FABP12: variants seen among roughly 807,000 people sequenced by gnomAD.
FABP12 encodes fatty acid binding protein 12.
A neutral mutation model predicts 13.7 loss-of-function variants in FABP12; 19 were observed. That is an observed-to-expected ratio of 1.39 (90% CI 0.97 to 2.04). The LOEUF (loss-of-function observed/expected upper bound fraction) is 2.04. Ranked by LOEUF, FABP12 falls within the 30% of genes most tolerant of loss-of-function variation. The pLI is 0.00. For synonymous variants in FABP12, 61 were observed against 57.0 expected (o/e 1.07, Z -0.32); for missense variants, 182 against 164.2 (o/e 1.11, Z -0.59).
At chr8:81,572,436 C>T (rs774166002) in intron 1 of FABP12, among the ~76,000 whole-genome samples, 1 of 152,054 alleles carries the variant, frequency 6.6e-6, no homozygotes, top group Non-Finnish European at 1.5e-5. Context: ...GAATCTTTTG[C>T]GAATAATGAC....
chr8:81,588,534 C>T (rs946242848), intron 1 of FABP12, among the ~76,000 whole-genome samples: 1 of 152,098 alleles, frequency 6.6e-6, no homozygotes, highest in Non-Finnish European at 1.5e-5. Context: ...TTATTAGTTA[C>T]AACAGTTTTT....
chr8:81,561,960 T>C (rs150574414), intron 1 of FABP12, among the ~76,000 whole-genome samples: 3 of 152,266 alleles, frequency 2.0e-5, no homozygotes, highest in Non-Finnish European at 4.4e-5. Flanking sequence ...TAAGCTACTA[T>C]CCAGGGTATC....
chr8:81,577,501 G>A (rs1032501965), intron 1 of FABP12, among the ~76,000 whole-genome samples: 1 of 152,154 alleles, frequency 6.6e-6, no homozygotes, highest in African/African-American at 2.4e-5. Flanking sequence ...GTTCACGTCT[G>A]TAATCCCAGC....
At chr8:81,528,331 G>A (rs191300702) in intron 3 of FABP12, among the ~76,000 whole-genome samples, 14 of 152,138 alleles carry the variant, frequency 9.2e-5, no homozygotes, top group Non-Finnish European at 8.8e-5. Context: ...CTCCTGTTTT[G>A]GCCTCCCAAA....
chr8:81,573,792 G>A (rs914737455), intron 1 of FABP12, among the ~76,000 whole-genome samples: 2 of 152,050 alleles, frequency 1.3e-5, no homozygotes, highest in African/African-American at 4.8e-5. Flanking sequence ...ACTGACTTGT[G>A]TACATTAATC....
At chr8:81,583,054 T>A (rs903738611) in intron 1 of FABP12, among the ~76,000 whole-genome samples, 2 of 152,158 alleles carry the variant, frequency 1.3e-5, no homozygotes, top group South Asian at 2.1e-4. Context: ...AAGAGAAACA[T>A]TGAAACTATA....
At chr8:81,525,530 AT>A (rs1180208979) in intron 4 of FABP12, among the ~76,000 whole-genome samples, 4 of 134,520 alleles carry the variant, frequency 3.0e-5, no homozygotes, top group East Asian at 2.0e-4. Flanking sequence ...AAAAAAAAAA[AT>A]AGATAGATAG....
At chr8:81,527,392 T>C (rs112010176) in intron 3 of FABP12, among the ~76,000 whole-genome samples, 16,345 of 152,144 alleles carry the variant, frequency 0.11, 1,661 homozygotes, top group African/African-American at 0.26. Flanking sequence ...GACAGAGTTT[T>C]GCTCTTGTCA....
At chr8:81,588,888 G>A (rs1488708118) in intron 1 of FABP12, among the ~76,000 whole-genome samples, 2 of 152,158 alleles carry the variant, frequency 1.3e-5, no homozygotes, top group African/African-American at 4.8e-5. Flanking sequence ...CCAGGTGGGG[G>A]CTGGCAGTGG....
intron 1 of FABP12, among the ~76,000 whole-genome samples, chr8:81,575,197 G>C (rs1225463133): frequency 6.6e-6 from 1 of 152,034 alleles, no homozygotes; most frequent in African/African-American, 2.4e-5. Context: ...TTCGATCTTG[G>C]TTTCGTTTTC....
At chr8:81,530,721 A>T (rs1332253228) in intron 2 of FABP12, among the ~76,000 whole-genome samples, 1 of 152,146 alleles carries the variant, frequency 6.6e-6, no homozygotes, top group Admixed American at 6.5e-5. Flanking sequence ...TGAGATGGGG[A>T]GAGTATCCTG....
At chr8:81,580,759 G>A (rs1196547308) in intron 1 of FABP12, among the ~76,000 whole-genome samples, 4 of 150,928 alleles carry the variant, frequency 2.7e-5, no homozygotes, top group Non-Finnish European at 4.4e-5. Flanking sequence ...TCTAGCTTAT[G>A]CCCACCCACC....
chr8:81,531,456 T>G (rs1450752599), intron 1 of FABP12, 66 bp from the exon 2 acceptor site: 4 of 593,694 alleles, frequency 6.7e-6, no homozygotes, highest in African/African-American at 1.9e-5. Flanking sequence ...AATAAGGAAC[T>G]CTAATCCTTG....
chr8:81,582,154 G>A (rs539724477), intron 1 of FABP12, among the ~76,000 whole-genome samples: 15 of 111,364 alleles, frequency 1.3e-4, no homozygotes, highest in African/African-American at 4.9e-4. Context: ...ATGGAGTCTC[G>A]CTCTGTCACC....
intron 1 of FABP12, among the ~76,000 whole-genome samples, chr8:81,563,054 C>T (rs1809751182): frequency 6.6e-6 from 1 of 152,234 alleles, no homozygotes; most frequent in Non-Finnish European, 1.5e-5. Flanking sequence ...GGCCACCCCT[C>T]CCGCAGCTCC....
chr8:81,539,433 CTTTTTTTTTTTTTTT>C (rs35386904), intron 2 of FABP12, among the ~76,000 whole-genome samples: 1 of 50,018 alleles, frequency 2.0e-5, no homozygotes, highest in African/African-American at 8.0e-5. Context: ...TTCTTTAGTT[CTTTTTTTTTTTTTTT>C]TTTTTTTTTT....
intron 3 of FABP12, among the ~76,000 whole-genome samples, chr8:81,529,149 G>A (rs1212368797): frequency 6.6e-6 from 1 of 152,088 alleles, no homozygotes; most frequent in East Asian, 1.9e-4. Context: ...GTTTCTGAGA[G>A]GACTAAACAG....
At chr8:81,546,137 A>G (rs555722013) in intron 1 of FABP12, among the ~76,000 whole-genome samples, 2 of 152,312 alleles carry the variant, frequency 1.3e-5, no homozygotes, top group African/African-American at 4.8e-5. Context: ...TGGAATGACA[A>G]TGGTTCTTAG....
chr8:81,578,849 G>T (rs1418009877), intron 1 of FABP12, among the ~76,000 whole-genome samples: 1 of 44,298 alleles, frequency 2.3e-5, no homozygotes, highest in Non-Finnish European at 4.1e-5. Context: ...TTTTGAGAAG[G>T]AGTCTCGCTC....
Sources: gnomAD v4.1 joint callset for allele counts (sites outside exome capture counted in the v4.1 genomes callset) on GRCh38, gnomAD v4.1.1 for gene constraint, MANE v1.5 for transcripts, NCBI Gene and HGNC (gene_info 2026-07-23, HGNC 2026-07-21) for gene names.